TRIM44: variants seen among roughly 807,000 people sequenced by gnomAD.
TRIM44 encodes the protein tripartite motif containing 44.
TRIM44 carries 13 observed loss-of-function variants against 37.4 expected under a neutral mutation model. That is an observed-to-expected ratio of 0.35 (90% CI 0.23 to 0.55). The LOEUF (loss-of-function observed/expected upper bound fraction) is 0.55. Among genes scored for constraint, TRIM44 ranks in the 20% least tolerant of loss-of-function variants. The pLI is 0.89. For synonymous variants in TRIM44, 175 were observed against 157.2 expected (o/e 1.11, Z -0.85); for missense variants, 426 against 437.2 (o/e 0.97, Z 0.23).
chr11:35,692,138 A>G (rs1357657696), intron 2 of TRIM44, among the ~76,000 whole-genome samples: 1 of 152,110 alleles, frequency 6.6e-6, no homozygotes, highest in Non-Finnish European at 1.5e-5. Flanking sequence ...AAGAAATAAA[A>G]TCGCCCATTT....
chr11:35,722,245 T>C (rs1564977430), intron 2 of TRIM44, among the ~76,000 whole-genome samples: 1 of 152,246 alleles, frequency 6.6e-6, no homozygotes, highest in Non-Finnish European at 1.5e-5. Flanking sequence ...CTCTATTTCA[T>C]GCAGTCTACA....
chr11:35,806,025 GT>G (rs1853442818), intron 4 of TRIM44, among the ~76,000 whole-genome samples: 1 of 152,150 alleles, frequency 6.6e-6, no homozygotes, highest in Non-Finnish European at 1.5e-5. Context: ...TATTTTGTCA[GT>G]TAAGTTTAAA....
Position 35,662,927 on chromosome 11 carries a change from G to T in TRIM44, c.-185G>T. On this transcript the variant is annotated 5_prime_UTR_variant, in exon 1 of 5. Transcript: ENST00000299413. ...GGAGCAGGCCGAGCCGGCGGAAAGG[G>T]TCTTTGCTGCTGCGCCCGGGCAGGG... The T allele has an allele frequency of 9.7e-7, 1 of 1,034,072 alleles. No individual in the cohort carries two copies. Among genetic ancestry groups the T allele is most frequent in the South Asian group, 2.5e-5 (1 of 39,658 alleles). 64.1% of individuals were successfully genotyped at this position (1,034,072 alleles called of 1,614,324 possible).
rs1851282687 is a variant in TRIM44, at chr11:35,662,787, G to A, written c.-325G>A. On this transcript the variant is annotated 5_prime_UTR_variant, in exon 1 of 5. Coordinates refer to ENST00000299413, the MANE Select transcript of TRIM44 (RefSeq NM_017583.6). ...CGGCGCGGGGGCCGGCGGCTGCCGC[G>A]ATCTCTCCCTGGTAGCGGGAGGCTG... 1 of 225,102 alleles carries A rather than the reference G, an allele frequency of 4.4e-6. No homozygotes were observed. The highest frequency in any genetic ancestry group is 1.8e-4 in the South Asian group (1 of 5,560). 13.9% of individuals were successfully genotyped at this position (225,102 alleles called of 1,614,324 possible).
At position 35,813,281 on chromosome 11, in the gene TRIM44, A is replaced by C. The variant is rs1303371295; in HGVS notation, c.*6896A>C. On this transcript the variant is annotated 3_prime_UTR_variant, in exon 5 of 5. Transcript: ENST00000299413. ...ACACAAAATCTAAACCAGTGGTTTG[A>C]CAATGAGTAACTGAGACAGAACTAG... The C allele has an allele frequency of 6.6e-6, 1 of 152,228 alleles. No homozygotes were observed. Among genetic ancestry groups the C allele is most frequent in the Non-Finnish European group, 1.5e-5 (1 of 68,036 alleles). 9.4% of individuals were successfully genotyped at this position (152,228 alleles called of 1,614,324 possible). A position where few individuals can be genotyped will look rare whatever the true frequency, so the allele number is the denominator to read the frequency against.
intron 2 of TRIM44, among the ~76,000 whole-genome samples, chr11:35,688,411 T>TA (rs1348528552): frequency 6.6e-6 from 1 of 152,286 alleles, no homozygotes; most frequent in East Asian, 1.9e-4. Context: ...AATACATACT[T>TA]ATAGATTTAA....
chr11:35,746,710 T>A (rs1852496676), intron 4 of TRIM44, among the ~76,000 whole-genome samples: 1 of 152,146 alleles, frequency 6.6e-6, no homozygotes. Context: ...GTACCCTAAA[T>A]GGTGAGGTTT....
chr11:35,693,521 A>T (rs999934421), intron 2 of TRIM44, among the ~76,000 whole-genome samples: 1 of 152,040 alleles, frequency 6.6e-6, no homozygotes, highest in Admixed American at 6.6e-5. Context: ...CTTTCTGTCT[A>T]GGATCTATGT....
At chr11:35,759,367 C>G (rs575581223) in intron 4 of TRIM44, among the ~76,000 whole-genome samples, 5 of 152,096 alleles carry the variant, frequency 3.3e-5, no homozygotes, top group Non-Finnish European at 7.4e-5. Flanking sequence ...CTTTAAGGAC[C>G]TCTCTGCATT....
At chr11:35,751,884 T>G (rs1285737802) in intron 4 of TRIM44, among the ~76,000 whole-genome samples, 1 of 152,164 alleles carries the variant, frequency 6.6e-6, no homozygotes, top group East Asian at 1.9e-4. Flanking sequence ...TGAGAGGTGG[T>G]TTTGCTATTT....
intron 4 of TRIM44, among the ~76,000 whole-genome samples, chr11:35,772,342 T>C (rs1399623681): frequency 6.6e-6 from 1 of 152,192 alleles, no homozygotes; most frequent in Non-Finnish European, 1.5e-5. Context: ...GGGCACTGCC[T>C]AGTGGAGCTG....
At chr11:35,705,302 CA>C (rs1851864329) in intron 2 of TRIM44, among the ~76,000 whole-genome samples, 3 of 152,062 alleles carry the variant, frequency 2.0e-5, no homozygotes, top group Non-Finnish European at 2.9e-5. Flanking sequence ...GATTCCCACA[CA>C]ATAATAATGG....
chr11:35,787,420 T>C (rs995692084), intron 4 of TRIM44, among the ~76,000 whole-genome samples: 1 of 152,196 alleles, frequency 6.6e-6, no homozygotes, highest in Admixed American at 6.5e-5. Context: ...TGGAATGCCC[T>C]GAGGAGCAGC....
intron 4 of TRIM44, among the ~76,000 whole-genome samples, chr11:35,780,361 G>A (rs1025896910): frequency 1.1e-4 from 16 of 152,190 alleles, no homozygotes; most frequent in African/African-American, 3.6e-4. Flanking sequence ...AGTGTTTTGA[G>A]AATGTACTCA....
chr11:35,795,013 T>C (rs1045951760), intron 4 of TRIM44, among the ~76,000 whole-genome samples: 1 of 152,196 alleles, frequency 6.6e-6, no homozygotes, highest in African/African-American at 2.4e-5. Flanking sequence ...TCTGAAAAGA[T>C]GATATTGGAG....
At chr11:35,735,554 G>A (rs1207160333) in intron 4 of TRIM44, 109 bp downstream of exon 4, 8 of 1,092,210 alleles carry the variant, frequency 7.3e-6, no homozygotes, top group Non-Finnish European at 9.8e-6. Context: ...ACAGAAAAGG[G>A]ATCTCTATCT....
At chr11:35,783,893 GT>G (rs1853095981) in intron 4 of TRIM44, among the ~76,000 whole-genome samples, 1 of 152,146 alleles carries the variant, frequency 6.6e-6, no homozygotes, top group African/African-American at 2.4e-5. Flanking sequence ...AGGGATACAC[GT>G]TTTGGGGTGC....
rs147601371 is a variant in TRIM44, at chr11:35,752,998, A to G, written c.1007+17553A>G. Among the ~76,000 whole-genome samples the G allele has an allele frequency of 2.0e-3, 306 of 152,352 alleles. 2 individuals carry two copies. The highest frequency in any genetic ancestry group is 7.1e-3 in the African/African-American group (297 of 41,580). On this transcript the variant is annotated intron_variant, in intron 4 of 4. Transcript: ENST00000299413. ...ATTTCACAACTGTATTCTCTAGAGCATAACAGGCATTTATTTTTGAATATA... is the reference window on the plus strand; with the variant it reads ...ATTTCACAACTGTATTCTCTAGAGCGTAACAGGCATTTATTTTTGAATATA...
chr11:35,758,607 C>G (rs985198231), intron 4 of TRIM44, among the ~76,000 whole-genome samples: 15 of 152,174 alleles, frequency 9.9e-5, no homozygotes, highest in African/African-American at 2.9e-4. Context: ...ATGGTCTTTA[C>G]GATTTGGCAT....
Sources: gnomAD v4.1 joint callset for allele counts (sites outside exome capture counted in the v4.1 genomes callset) on GRCh38, gnomAD v4.1.1 for gene constraint, MANE v1.5 for transcripts, NCBI Gene and HGNC (gene_info 2026-07-23, HGNC 2026-07-21) for gene names.